Variants in NRCAM observed in about 807,000 individuals in gnomAD.
NRCAM encodes the protein NgCAM-related cell adhesion molecule.
NRCAM carries 83 observed loss-of-function variants against 156.5 expected under a neutral mutation model. The observed-to-expected ratio is 0.53, with a 90% confidence interval of 0.44 to 0.64. The LOEUF (loss-of-function observed/expected upper bound fraction) is 0.64. NRCAM is among the 30% of genes least tolerant of loss of function. The probability of loss-of-function intolerance (pLI) is 0.00; values close to 1 mark genes in which losing one functional copy is unlikely to be tolerated. For synonymous variants in NRCAM, 538 were observed against 563.9 expected, an observed-to-expected ratio of 0.95 and a Z score of 0.65; for missense variants, 1,417 against 1,597.3, an observed-to-expected ratio of 0.89 and a Z score of 1.92.
At chr7:108,236,442 T>C (rs576680430) in intron 5 of NRCAM, among the ~76,000 whole-genome samples, 2 of 152,126 alleles carry the variant, frequency 1.3e-5, no homozygotes, top group East Asian at 1.9e-4. Flanking sequence ...CCGTCATCCA[T>C]ATGGAATCCT....
chr7:108,175,525 A>T (rs1359150297), intron 27 of NRCAM, among the ~76,000 whole-genome samples, 168 bp from the exon 28 acceptor site: 1 of 152,178 alleles, frequency 6.6e-6, no homozygotes, highest in African/African-American at 2.4e-5. Context: ...CCCCAAACTT[A>T]TCTAGTATTC....
intron 3 of NRCAM, among the ~76,000 whole-genome samples, chr7:108,299,264 G>C (rs115634000): frequency 1.3e-5 from 2 of 151,370 alleles, no homozygotes; most frequent in African/African-American, 4.8e-5. Context: ...AGTAGTTACC[G>C]AGCTGCCTTT....
intron 11 of NRCAM, among the ~76,000 whole-genome samples, chr7:108,220,914 C>A (rs752380739): frequency 1.3e-5 from 2 of 152,098 alleles, no homozygotes; most frequent in Non-Finnish European, 2.9e-5. Flanking sequence ...AACAGACAAC[C>A]CACAGAGTGG....
chr7:108,234,466 A>C, intron 6 of NRCAM, 117 bp downstream of exon 6: 1 of 665,920 alleles, frequency 1.5e-6, no homozygotes, highest in East Asian at 2.6e-5. Context: ...CCAACTGAAA[A>C]AGGAAGTGCT....
intron 2 of NRCAM, among the ~76,000 whole-genome samples, chr7:108,388,514 G>C (rs897727769): frequency 2.6e-5 from 4 of 152,168 alleles, no homozygotes; most frequent in African/African-American, 9.7e-5. Context: ...TAGGTTGCCT[G>C]TTCACTCTGA....
chr7:108,401,237 C>CAA (rs1258044489), intron 1 of NRCAM, among the ~76,000 whole-genome samples: 1 of 151,898 alleles, frequency 6.6e-6, no homozygotes, highest in Non-Finnish European at 1.5e-5. Flanking sequence ...GACTCCATCT[C>CAA]AAAAACAAAG....
intron 3 of NRCAM, among the ~76,000 whole-genome samples, chr7:108,274,649 TG>T (rs1399002311): frequency 6.6e-6 from 1 of 152,216 alleles, no homozygotes; most frequent in African/African-American, 2.4e-5. Context: ...GCTCAGATGA[TG>T]GGGTTTTCTA....
intron 2 of NRCAM, among the ~76,000 whole-genome samples, chr7:108,320,568 C>T (rs777896366): frequency 3.3e-5 from 5 of 151,658 alleles, no homozygotes; most frequent in African/African-American, 4.8e-5. Flanking sequence ...AAAAGAGTGA[C>T]TATTTTAAAA....
chr7:108,313,643 T>C (rs980065559), intron 2 of NRCAM, among the ~76,000 whole-genome samples: 10 of 152,288 alleles, frequency 6.6e-5, no homozygotes, highest in Non-Finnish European at 1.5e-4. Context: ...CTGCATTAAG[T>C]TGCAAAAAAT....
At chr7:108,248,811 G>A (rs953125167) in intron 3 of NRCAM, among the ~76,000 whole-genome samples, 2 of 152,146 alleles carry the variant, frequency 1.3e-5, no homozygotes, top group South Asian at 2.1e-4. Flanking sequence ...GGGTGTGGGT[G>A]GAATATTTAG....
chr7:108,270,120 T>A (rs1296789499), intron 3 of NRCAM, among the ~76,000 whole-genome samples: 1 of 152,202 alleles, frequency 6.6e-6, no homozygotes, highest in Non-Finnish European at 1.5e-5. Flanking sequence ...TTATTCCTAT[T>A]TTGTAAGGAG....
At chr7:108,214,635 T>G (rs922128828) in intron 11 of NRCAM, among the ~76,000 whole-genome samples, 1 of 152,174 alleles carries the variant, frequency 6.6e-6, no homozygotes, top group African/African-American at 2.4e-5. Context: ...TATTTCTTGT[T>G]TTCTGCTAGC....
At chr7:108,438,610 T>TA (rs763719888) in intron 1 of NRCAM, among the ~76,000 whole-genome samples, 5 of 152,280 alleles carry the variant, frequency 3.3e-5, no homozygotes, top group Non-Finnish European at 5.9e-5. Context: ...TGTCCACTCT[T>TA]ACCACTTCTA....
At chr7:108,273,510 T>G (rs2097456797) in intron 3 of NRCAM, among the ~76,000 whole-genome samples, 1 of 152,192 alleles carries the variant, frequency 6.6e-6, no homozygotes, top group Non-Finnish European at 1.5e-5. Context: ...GATGATGAGC[T>G]TTTTTTCATA....
intron 2 of NRCAM, among the ~76,000 whole-genome samples, chr7:108,328,153 T>C (rs552656256): frequency 6.6e-6 from 1 of 152,320 alleles, no homozygotes; most frequent in South Asian, 2.1e-4. Flanking sequence ...TATCTGTCAG[T>C]TGCCCCACGA....
intron 17 of NRCAM, 149 bp downstream of exon 17, chr7:108,193,875 G>A (rs966127604): frequency 5.6e-5 from 40 of 708,858 alleles, no homozygotes; most frequent in Admixed American, 2.9e-5. Flanking sequence ...ATATTTTACA[G>A]TAGGGAGAAA....
intron 24 of NRCAM, among the ~76,000 whole-genome samples, chr7:108,181,206 A>AC (rs397716982): frequency 1.3e-5 from 2 of 150,814 alleles, no homozygotes; most frequent in African/African-American, 4.9e-5. Flanking sequence ...AAAAAAAAAA[A>AC]GTTGAATGTG....
In NRCAM at chr7:108,248,942, G is replaced by A. The variant is rs1054914026; in HGVS notation, c.-106-8772C>T. On this transcript the variant is annotated intron_variant, in intron 3 of 32. Coordinates refer to ENST00000379028, the MANE Select transcript of NRCAM (RefSeq NM_001037132.4). ...GATGGCCATCTTATTGTTTCATCTC[G>A]GCGATTAGTCAGGGAGCAGGATGAT... 5.3e-5 allele frequency among the ~76,000 whole-genome samples: 8 copies of A among 150,144 alleles called. No homozygotes were observed. The South Asian group carries it at 1.3e-3, about 24-fold the overall frequency.
intron 3 of NRCAM, among the ~76,000 whole-genome samples, chr7:108,286,667 C>T (rs2098113497): frequency 6.6e-6 from 1 of 152,092 alleles, no homozygotes; most frequent in South Asian, 2.1e-4. Context: ...TTTGCAGACA[C>T]AGCTATTAAG....
Sources: allele counts gnomAD v4.1 joint callset (sites outside exome capture counted in the v4.1 genomes callset), GRCh38; gene constraint gnomAD v4.1.1; transcripts MANE v1.5; gene names NCBI Gene and HGNC (gene_info 2026-07-23, HGNC 2026-07-21).